PDS5B: variants seen among roughly 807,000 people sequenced by gnomAD.
The protein encoded by PDS5B is PDS5 cohesin associated factor B.
Under a neutral mutation model 184.1 loss-of-function variants are expected in PDS5B, and 51 were observed. That is an observed-to-expected ratio of 0.28 (90% CI 0.22 to 0.35). The LOEUF (loss-of-function observed/expected upper bound fraction) is 0.35. PDS5B is among the 10% of genes least tolerant of loss of function. The probability of loss-of-function intolerance (pLI) is 1.00; values close to 1 mark genes in which losing one functional copy is unlikely to be tolerated. For missense variants in PDS5B, 1,180 were observed against 1,723.3 expected, an observed-to-expected ratio of 0.68 and a Z score of 5.58; for synonymous variants, 566 against 569.2, an observed-to-expected ratio of 0.99 and a Z score of 0.08.
intron 3 of PDS5B, among the ~76,000 whole-genome samples, chr13:32,655,013 G>A (rs1452585672): frequency 1.3e-5 from 2 of 152,058 alleles, no homozygotes; most frequent in African/African-American, 4.8e-5. Flanking sequence ...CTTTATGGTA[G>A]AATGATTTAT....
At chr13:32,650,252 A>T (rs1950335090) in intron 2 of PDS5B, 1 of 152,192 alleles carries the variant, frequency 6.6e-6, no homozygotes, top group Admixed American at 6.5e-5. Flanking sequence ...CTCAGTACTC[A>T]TATTTAATGT....
chr13:32,634,990 T>A (rs1406442731), intron 1 of PDS5B, among the ~76,000 whole-genome samples: 1 of 149,386 alleles, frequency 6.7e-6, no homozygotes, highest in African/African-American at 2.5e-5. Flanking sequence ...CAGCAATATT[T>A]CTTACTGCCT....
chr13:32,634,802 C>CT (rs1337888907), intron 1 of PDS5B, among the ~76,000 whole-genome samples: 1 of 152,096 alleles, frequency 6.6e-6, no homozygotes, highest in East Asian at 1.9e-4. Flanking sequence ...AGACTGGTCT[C>CT]TAACTCCTGA....
At chr13:32,605,016 A>C (rs937390464) in intron 1 of PDS5B, among the ~76,000 whole-genome samples, 2 of 152,036 alleles carry the variant, frequency 1.3e-5, no homozygotes, top group Admixed American at 1.3e-4. Context: ...GATCTTTTCA[A>C]AAAAACCAGC....
chr13:32,667,778 A>T lies in PDS5B; in HGVS notation c.639A>T (p.Gln213His). 1 of 1,592,862 alleles carries T rather than the reference A, an allele frequency of 6.3e-7. No individual in the cohort carries two copies. The highest frequency in any genetic ancestry group is 8.5e-7 in the Non-Finnish European group (1 of 1,170,302). Reference protein sequence around the residue: ...LVPAHKNLNKQAYDLAKALLK... With the variant: ...LVPAHKNLNKHAYDLAKALLK... ...ATGTTTTTCAGAATTTAAACAAGCA[A>T]GCATATGATTTGGCAAAGGCTTTAC... The change falls in exon 7 of 35, where the codon CAA becomes CAT. Residue 213 changes from glutamine to histidine, a missense_variant. Gln to His is a conservative substitution (Grantham distance 24). This residue lies in a region of PDS5B where 79 missense variants were observed against 124.6 expected (regional missense o/e 0.63). Transcript: ENST00000315596.
chr13:32,600,079 C>T (rs1443607678), intron 1 of PDS5B, among the ~76,000 whole-genome samples: 1 of 152,036 alleles, frequency 6.6e-6, no homozygotes, highest in Non-Finnish European at 1.5e-5. Flanking sequence ...GCAGTGAAGC[C>T]TGTTTTCAGT....
intron 3 of PDS5B, among the ~76,000 whole-genome samples, chr13:32,655,916 A>G (rs189103668): frequency 7.2e-5 from 11 of 152,276 alleles, no homozygotes; most frequent in African/African-American, 2.6e-4. Context: ...TATGTCCAGA[A>G]TGGTATTTCC....
intron 19 of PDS5B, among the ~76,000 whole-genome samples, chr13:32,717,687 T>TAAAAAAAA (rs1293060097): frequency 1.7e-5 from 1 of 58,638 alleles, no homozygotes; most frequent in African/African-American, 6.1e-5. Flanking sequence ...GAATGATCAA[T>TAAAAAAAA]AAAAAAAAAA....
intron 1 of PDS5B, among the ~76,000 whole-genome samples, chr13:32,597,200 A>AT (rs745671900): frequency 0.02 from 2,752 of 136,926 alleles, 45 homozygotes; most frequent in African/African-American, 0.045. Flanking sequence ...TGGCTGGCTC[A>AT]TTTTTTTTTT....
At position 32,759,641 on chromosome 13, in the gene PDS5B, C is replaced by T; in HGVS notation, c.3323C>T (p.Thr1108Ile). The change falls in exon 29 of 35, where the codon ACC (threonine) becomes ATC (isoleucine). Residue 1108 changes from threonine (T) to isoleucine (I), a missense_variant. Transcript: ENST00000315596. ...TCTTGGTTGTAGAATTTCAGTAACA[C>T]CAAAAATTATCTGCCTCCTGAAATG... The part of the protein sequence containing the change: ...FTQPDKNFSN[T>I]KNYLPPEMKS... 2 of 1,552,712 alleles carry T rather than the reference C, an allele frequency of 1.3e-6. No individual in the cohort carries two copies. The highest frequency in any genetic ancestry group is 1.8e-6 in the Non-Finnish European group (2 of 1,134,012).
intron 31 of PDS5B, among the ~76,000 whole-genome samples, chr13:32,766,057 T>C (rs1954576956): frequency 1.3e-5 from 2 of 152,250 alleles, no homozygotes; most frequent in African/African-American, 4.8e-5. Flanking sequence ...AAGAAAATCC[T>C]TGAATTGGAA....
Position 32,776,587 on chromosome 13 carries a change from T to G in PDS5B, c.*1535T>G, listed in dbSNP as rs550442441. Reference sequence around the variant, plus strand: ...TAGGTGCTGTTATGTTTTTTCATGGTTAACACCAGAGGGGAAAAAATCATA... The same window carrying G: ...TAGGTGCTGTTATGTTTTTTCATGGGTAACACCAGAGGGGAAAAAATCATA... On this transcript the variant is annotated 3_prime_UTR_variant, in exon 35 of 35. Transcript: ENST00000315596. The G allele has an allele frequency of 7.9e-5, 12 of 152,264 alleles. No homozygotes were observed. The East Asian group carries it at 2.3e-3, about 29-fold the overall frequency. The allele number at this position is 152,264 out of a possible 1,614,324, so 9.4% of individuals were successfully genotyped here.
At chr13:32,734,537 C>CTTCTGAA (rs368796517) in intron 20 of PDS5B, among the ~76,000 whole-genome samples, 103 of 152,246 alleles carry the variant, frequency 6.8e-4, no homozygotes, top group African/African-American at 2.5e-3. Flanking sequence ...TTATTTCTTG[C>CTTCTGAA]TTCTGAAAAG....
intron 14 of PDS5B, among the ~76,000 whole-genome samples, chr13:32,696,127 C>G (rs952616687): frequency 3.3e-5 from 5 of 152,100 alleles, no homozygotes; most frequent in African/African-American, 1.2e-4. Flanking sequence ...TTCCTCTTAG[C>G]AAGCTCATTC....
chr13:32,704,860 C>G (rs990881087), intron 17 of PDS5B, among the ~76,000 whole-genome samples: 2 of 152,076 alleles, frequency 1.3e-5, no homozygotes, highest in African/African-American at 4.8e-5. Flanking sequence ...TATATTTTGA[C>G]TTGTTATTGT....
chr13:32,722,236 A>G (rs1401266130), intron 19 of PDS5B, among the ~76,000 whole-genome samples: 2 of 152,246 alleles, frequency 1.3e-5, no homozygotes, highest in African/African-American at 2.4e-5. Flanking sequence ...CACGCCTGCA[A>G]TCCCAGGCAC....
intron 1 of PDS5B, among the ~76,000 whole-genome samples, chr13:32,624,141 C>T (rs1221524838): frequency 6.6e-6 from 1 of 152,174 alleles, no homozygotes; most frequent in African/African-American, 2.4e-5. Flanking sequence ...GGTCAACACT[C>T]CCCTTCCAAC....
chr13:32,642,729 T>G (rs1013465802), intron 1 of PDS5B, among the ~76,000 whole-genome samples: 1 of 146,480 alleles, frequency 6.8e-6, no homozygotes, highest in African/African-American at 2.5e-5. Flanking sequence ...TCTGGTCCAG[T>G]AACTGAAATT....
chr13:32,616,784 C>T (rs1226257897), intron 1 of PDS5B, among the ~76,000 whole-genome samples: 1 of 152,148 alleles, frequency 6.6e-6, no homozygotes, highest in Non-Finnish European at 1.5e-5. Context: ...ATTCAAGAAT[C>T]CTAACATATT....
Sources: gnomAD v4.1 joint callset for allele counts (sites outside exome capture counted in the v4.1 genomes callset) on GRCh38, gnomAD v4.1.1 for gene constraint, gnomAD v4.1.1 regional missense constraint, MANE v1.5 for transcripts, NCBI Gene and HGNC (gene_info 2026-07-23, HGNC 2026-07-21) for gene names.